Variants in GLIS2 observed in about 807,000 individuals in gnomAD.
The protein encoded by GLIS2 is zinc finger protein GLIS2.
In GLIS2, 14 loss-of-function variants were observed where a neutral mutation model predicts 35.6. The ratio of observed to expected loss-of-function variants is 0.39; its 90% CI spans 0.26 to 0.61. The LOEUF is 0.61. GLIS2 is among the 20% of genes least tolerant of loss of function. GLIS2 has a pLI of 0.48. For synonymous variants in GLIS2, 368 were observed against 325.1 expected (o/e 1.13, Z -1.42); for missense variants, 675 against 713.4 (o/e 0.95, Z 0.61).
In GLIS2 at chr16:4,336,864, G is replaced by C. The variant is rs140587145; in HGVS notation, c.915G>C (p.Thr305=). 1 of 1,613,394 alleles carries C rather than the reference G, an allele frequency of 6.2e-7. No homozygotes were observed. Among genetic ancestry groups the C allele is most frequent in the Non-Finnish European group, 8.5e-7 (1 of 1,180,018 alleles). The change falls in exon 7 of 7, where the codon ACG becomes ACC. Residue 305 remains threonine, a synonymous_variant. Transcript: ENST00000433375. The stretch of plus-strand genomic sequence containing the variant: ...TGCCCGGCTGCCACAAGCGCTACAC[G>C]GACCCCAGCTCACTGCGCAAGCACA... The part of the protein sequence containing the change: ...CKMPGCHKRY[T]DPSSLRKHIK...
chr16:4,317,659 CAG>C (rs2053328973), intron 1 of GLIS2, among the ~76,000 whole-genome samples: 1 of 151,988 alleles, frequency 6.6e-6, no homozygotes, highest in African/African-American at 2.4e-5. Context: ...CTGGCCTGCA[CAG>C]GGGGAGGGGC....
At position 4,337,328 on chromosome 16, in the gene GLIS2, G is replaced by A. The variant is rs770128271; in HGVS notation, c.1379G>A (p.Gly460Asp). 41 of 1,579,778 alleles carry A rather than the reference G, an allele frequency of 2.6e-5. No individual in the cohort carries two copies. In the South Asian group the frequency reaches 4.5e-4, roughly 17 times the overall value. ...CCCACCAGGGCCCTGGGCATGGAGG[G>A]CCACAAGACGCCCCTTGAAAGGACG... Reference protein sequence around the residue: ...SVPTRALGMEGHKTPLERTES... With the variant: ...SVPTRALGMEDHKTPLERTES... Residue 460 changes from glycine to aspartate, a missense_variant, in exon 7 of 7, where the codon GGC (glycine) becomes GAC (aspartate). Physicochemically the swap from Gly to Asp is moderately conservative, Grantham distance 94. Coordinates refer to ENST00000433375, the MANE Select transcript of GLIS2 (RefSeq NM_032575.3).
chr16:4,319,418 A>G lies in GLIS2; in HGVS notation c.-67+3164A>G, dbSNP rs192902765. Among the ~76,000 whole-genome samples, 122 of 152,204 alleles carry G rather than the reference A, an allele frequency of 8.0e-4. 3 individuals carry two copies. The highest frequency in any genetic ancestry group is 1.0e-3 in the Admixed American group (16 of 15,292). ...GAAAGATGCTCTCCACCCTCTGCCTAAGTTGCCTCCCTTCCCAGGGGCTAT... is the reference window on the plus strand; with the variant it reads ...GAAAGATGCTCTCCACCCTCTGCCTGAGTTGCCTCCCTTCCCAGGGGCTAT... On this transcript the variant is annotated intron_variant, in intron 1 of 6. Transcript: ENST00000433375.
chr16:4,328,079 C>T (rs1223235793), intron 1 of GLIS2, among the ~76,000 whole-genome samples: 3 of 152,354 alleles, frequency 2.0e-5, no homozygotes, highest in Admixed American at 1.3e-4. Context: ...GGCGTGGGGC[C>T]GGCGGGCCTT....
At chr16:4,330,711 C>T (rs1173366116) in intron 1 of GLIS2, among the ~76,000 whole-genome samples, 1 of 152,250 alleles carries the variant, frequency 6.6e-6, no homozygotes, top group East Asian at 1.9e-4. Flanking sequence ...ATGGCTCCTG[C>T]TCTGTCAGAA....
At chr16:4,317,458 G>A (rs928034985) in intron 1 of GLIS2, among the ~76,000 whole-genome samples, 13 of 152,140 alleles carry the variant, frequency 8.5e-5, no homozygotes, top group East Asian at 3.9e-4. Flanking sequence ...ACTGCGCTTC[G>A]GAGGGCCTTC....
chr16:4,322,794 C>T lies in GLIS2; in HGVS notation c.-67+6540C>T, dbSNP rs573284602. 6.6e-5 allele frequency among the ~76,000 whole-genome samples: 10 copies of T among 152,316 alleles called. No individual in the cohort carries two copies. In the South Asian group the frequency reaches 1.9e-3, roughly 28 times the overall value. ...TACCCACTCCTGCTCTCGGAGTTGG[C>T]GGGTGCCGTTCCCAGTGGACCTGGT... is the stretch of plus-strand genomic sequence containing the variant. On this transcript the variant is annotated intron_variant, in intron 1 of 6. Transcript: ENST00000433375.
At chr16:4,316,487 TC>T (rs1483639580) in intron 1 of GLIS2, among the ~76,000 whole-genome samples, 1 of 151,236 alleles carries the variant, frequency 6.6e-6, no homozygotes, top group African/African-American at 2.4e-5. Flanking sequence ...GTCTTTCTTC[TC>T]CCTCCTTCCT....
chr16:4,318,361 G>A (rs1386388437), intron 1 of GLIS2, among the ~76,000 whole-genome samples: 4 of 152,176 alleles, frequency 2.6e-5, no homozygotes, highest in Admixed American at 2.6e-4. Flanking sequence ...GTGGAGGGGG[G>A]TCAGGGGGAG....
At chr16:4,319,490 G>A (rs1459395298) in intron 1 of GLIS2, among the ~76,000 whole-genome samples, 2 of 152,152 alleles carry the variant, frequency 1.3e-5, no homozygotes, top group African/African-American at 2.4e-5. Flanking sequence ...GTATCTGGGG[G>A]TTCACGTCTC....
Position 4,337,378 on chromosome 16 carries a change from C to A in GLIS2, c.1429C>A (p.Pro477Thr). The A allele has an allele frequency of 6.3e-7, 1 of 1,593,752 alleles. No homozygotes were observed. Among genetic ancestry groups the A allele is most frequent in the Non-Finnish European group, 8.5e-7 (1 of 1,171,720 alleles). The change falls in exon 7 of 7, where the codon CCC becomes ACC. Residue 477 changes from proline to threonine, a missense_variant. Transcript: ENST00000433375. ...GGAGAGCAGCTGCTCCCGGCCAAGC[C>A]CCGATGGACTCCCCCTGCTGCCAGG... The part of the protein sequence containing the change: ...RTESSCSRPS[P>T]DGLPLLPGTV...
Position 4,337,344 on chromosome 16 carries a change from T to C in GLIS2, c.1395T>C (p.Leu465=), listed in dbSNP as rs1032864995. The C allele has an allele frequency of 5.0e-6, 8 of 1,589,564 alleles. No individual in the cohort carries two copies. Among genetic ancestry groups the C allele is most frequent in the Non-Finnish European group, 6.8e-6 (8 of 1,169,828 alleles). Residue 465 remains leucine, a synonymous_variant, in exon 7 of 7, where the codon CTT becomes CTC. Transcript: ENST00000433375. ...GCATGGAGGGCCACAAGACGCCCCT[T>C]GAAAGGACGGAGAGCAGCTGCTCCC... is the stretch of plus-strand genomic sequence containing the variant. ...ALGMEGHKTP[L]ERTESSCSRP... is the part of the protein sequence containing the mutation.
chr16:4,320,310 C>G lies in GLIS2; in HGVS notation c.-67+4056C>G, dbSNP rs557094010. 6.6e-6 allele frequency among the ~76,000 whole-genome samples: 1 copy of G among 152,096 alleles called. No individual in the cohort carries two copies. The highest frequency in any genetic ancestry group is 1.5e-5 in the Non-Finnish European group (1 of 68,000). On this transcript the variant is annotated intron_variant, in intron 1 of 6. Coordinates refer to ENST00000433375, the MANE Select transcript of GLIS2 (RefSeq NM_032575.3). This position sits in a 1 kb window ranked among gnomAD's most constrained non-coding sequence, Gnocchi z 5.6. ...GAGTCAGCCCCCGGCCGGGAGCCTC[C>G]GGAAAACAGTCCTGCCCGTCACATG...
rs374620425 is a variant in GLIS2, at chr16:4,337,566, C to T, written c.*42C>T. On this transcript the variant is annotated 3_prime_UTR_variant, in exon 7 of 7. Coordinates refer to ENST00000433375, the MANE Select transcript of GLIS2 (RefSeq NM_032575.3). ...GTTGTGGTGCCCCCCCGGCAGCTCC[C>T]GGCACTGCCCCCGACGAACGGAAAC... The T allele has an allele frequency of 1.8e-5, 27 of 1,538,388 alleles. No individual in the cohort carries two copies. The highest frequency in any genetic ancestry group is 1.1e-4 in the African/African-American group (8 of 73,252).
At chr16:4,315,700 G>A (rs1346853262), upstream of GLIS2, among the ~76,000 whole-genome samples, 1 of 150,782 alleles carries the variant, frequency 6.6e-6, no homozygotes. Flanking sequence ...GGGCCGAGGA[G>A]GACGCGCGCG....
intron 6 of GLIS2, chr16:4,336,328 G>T: frequency 2.7e-6 from 1 of 375,654 alleles, no homozygotes; most frequent in Non-Finnish European, 5.1e-6. Flanking sequence ...CGTAGTTTTA[G>T]TAGAGACGGG....
chr16:4,332,257 A>T lies in GLIS2; in HGVS notation c.-24A>T. 1.2e-6 allele frequency: 2 copies of T among 1,608,556 alleles called. No individual in the cohort carries two copies. The highest frequency in any genetic ancestry group is 1.7e-6 in the Non-Finnish European group (2 of 1,178,374). On this transcript the variant is annotated 5_prime_UTR_variant, in exon 2 of 7. Transcript: ENST00000433375. The surrounding 1 kb of genome is among the most constrained non-coding windows in gnomAD (Gnocchi z 5.4). ...AGCTGGGAGCCCACTGCCTGCTGCC[A>T]CCTCCAACTCCGGCCCCCTCACCAT...
At chr16:4,315,982 C>T (rs1233086857), upstream of GLIS2, among the ~76,000 whole-genome samples, 2 of 146,700 alleles carry the variant, frequency 1.4e-5, no homozygotes, top group South Asian at 2.1e-4. Context: ...GCCGGCGGGC[C>T]CTCCTCCCGC....
At position 4,334,892 on chromosome 16, in the gene GLIS2, C is replaced by T. The variant is rs1567223486; in HGVS notation, c.437C>T (p.Ala146Val). The T allele has an allele frequency of 6.2e-7, 1 of 1,613,180 alleles. No homozygotes were observed. The change falls in exon 4 of 7, where the codon GCC becomes GTC. Residue 146 changes from alanine (A) to valine (V), a missense_variant. Ala to Val is a moderately conservative substitution (Grantham distance 64, BLOSUM62 0). Around this residue, in one of 3 missense-constraint regions of GLIS2, gnomAD observed 225 missense variants for 238.7 expected, o/e 0.94. Coordinates refer to ENST00000433375, the MANE Select transcript of GLIS2 (RefSeq NM_032575.3). The stretch of plus-strand genomic sequence containing the variant: ...TCCGGGGGGGCCCTGCACCTGCCTG[C>T]CTCCTCCTTCCTTACCCCTCCCAAG... ...LGSGGALHLP[A>V]SSFLTPPKDK...
Sources: gnomAD v4.1 joint callset for allele counts (sites outside exome capture counted in the v4.1 genomes callset) on GRCh38, gnomAD v4.1.1 for gene constraint, gnomAD v4.1.1 regional missense constraint, Gnocchi (gnomAD v3.1) non-coding constraint, MANE v1.5 for transcripts, NCBI Gene and HGNC (gene_info 2026-07-23, HGNC 2026-07-21) for gene names.